CDX1: variants seen among roughly 807,000 people sequenced by gnomAD.
CDX1 encodes the protein homeobox protein CDX-1.
CDX1 carries 9 observed loss-of-function variants against 16.9 expected under a neutral mutation model. That is an observed-to-expected ratio of 0.53 (90% CI 0.32 to 0.93). The LOEUF (loss-of-function observed/expected upper bound fraction) is 0.93. CDX1 is among the 40% of genes least tolerant of loss of function. CDX1 has a pLI of 0.04. For missense variants in CDX1, 393 were observed against 386.1 expected (o/e 1.02, Z -0.15); for synonymous variants, 179 against 179.0 (o/e 1.00, Z 0.00).
intron 1 of CDX1, among the ~76,000 whole-genome samples, chr5:150,174,536 C>T (rs1044625205): frequency 2.6e-5 from 4 of 152,148 alleles, no homozygotes; most frequent in South Asian, 2.1e-4. Flanking sequence ...TAGGACTTTC[C>T]GCCAGGATGG....
intron 1 of CDX1, among the ~76,000 whole-genome samples, chr5:150,167,924 G>A (rs552295000): frequency 6.6e-6 from 1 of 152,338 alleles, no homozygotes; most frequent in African/African-American, 2.4e-5. Flanking sequence ...GGGAGGGGAA[G>A]CGGGAGCAGT....
At chr5:150,175,374 T>A (rs1364696852) in intron 1 of CDX1, among the ~76,000 whole-genome samples, 1 of 152,122 alleles carries the variant, frequency 6.6e-6, no homozygotes, top group African/African-American at 2.4e-5. Flanking sequence ...ATTGTGGACC[T>A]TGATGAAGAA....
rs1761436148 is a variant in CDX1, at chr5:150,167,145, T to G, written c.269T>G (p.Leu90Arg). Residue 90 changes from leucine to arginine, a missense_variant, in exon 1 of 3, where the codon CTG becomes CGG. Transcript: ENST00000231656. ...PAAPAASPAS[L>R]AFGPPPDFSP... The stretch of plus-strand genomic sequence containing the variant: ...GCCCCTGCCGCCAGCCCAGCTTCGC[T>G]GGCATTCGGGCCCCCTCCAGACTTT... 3 of 1,321,902 alleles carry G rather than the reference T, an allele frequency of 2.3e-6. No individual in the cohort carries two copies. In the East Asian group the frequency reaches 9.5e-5, roughly 42 times the overall value. 81.9% of individuals were successfully genotyped at this position (1,321,902 alleles called of 1,614,324 possible). A position where few individuals can be genotyped will look rare whatever the true frequency, so the allele number is the denominator to read the frequency against.
chr5:150,167,324 A>G lies in CDX1; in HGVS notation c.445+3A>G. On this transcript the variant is annotated splice_donor_region_variant and intron_variant, in intron 1 of 2. Transcript: ENST00000231656. ...GGCCGGAGGCGGCGGTGGCAGCGGT[A>G]AGGACCCTTCCCTCGCCCTGCGCCT... 1 of 1,256,108 alleles carries G rather than the reference A, an allele frequency of 8.0e-7. No homozygotes were observed. Among genetic ancestry groups the G allele is most frequent in the Non-Finnish European group, 1.0e-6 (1 of 1,004,966 alleles). 77.8% of individuals were successfully genotyped at this position (1,256,108 alleles called of 1,614,324 possible).
In CDX1 at chr5:150,184,360, G is replaced by C. The variant is rs368830723; in HGVS notation, c.*680G>C. On this transcript the variant is annotated 3_prime_UTR_variant, in exon 3 of 3. Transcript: ENST00000231656. ...TTCCCTACCAGGTTTCTACACCCCC[G>C]CCAGGCTGCCCATCAGGGCCCAGGG... 6.6e-6 allele frequency: 1 copy of C among 152,246 alleles called. No homozygotes were observed. Among genetic ancestry groups the C allele is most frequent in the Non-Finnish European group, 1.5e-5 (1 of 68,106 alleles). 9.4% of individuals were successfully genotyped at this position (152,246 alleles called of 1,614,324 possible).
intron 1 of CDX1, among the ~76,000 whole-genome samples, chr5:150,179,580 C>T (rs146389558): frequency 3.9e-5 from 6 of 152,226 alleles, no homozygotes; most frequent in Admixed American, 6.5e-5. Context: ...TGGGCTTGCT[C>T]GTCAGAAGAG....
intron 1 of CDX1, among the ~76,000 whole-genome samples, chr5:150,180,589 C>T (rs1761628690): frequency 6.6e-6 from 1 of 152,048 alleles, no homozygotes; most frequent in African/African-American, 2.4e-5. Flanking sequence ...AGGGCTGAAA[C>T]CCAAGAAGAT....
chr5:150,166,911 C>T lies in CDX1; in HGVS notation c.35C>T (p.Pro12Leu). 4 of 1,517,940 alleles carry T rather than the reference C, an allele frequency of 2.6e-6. No homozygotes were observed. The highest frequency in any genetic ancestry group is 3.5e-6 in the Non-Finnish European group (4 of 1,139,114). The allele number at this position is 1,517,940 out of a possible 1,614,324, so 94.0% of individuals were successfully genotyped here. The change falls in exon 1 of 3, where the codon CCC becomes CTC. Residue 12 changes from proline (P) to leucine (L), a missense_variant. By Grantham distance (98) the Pro-to-Leu change is moderately conservative. Transcript: ENST00000231656. The stretch of plus-strand genomic sequence containing the variant: ...GGCTATGTGCTGGACAAGGATTCGC[C>T]CGTGTACCCCGGCCCAGCCAGGCCA... The part of the protein sequence containing the change: ...YVGYVLDKDS[P>L]VYPGPARPAS...
Position 150,166,926 on chromosome 5 carries a change from C to A in CDX1, c.50C>A (p.Pro17Gln). The change falls in exon 1 of 3, where the codon CCA becomes CAA. Residue 17 changes from proline to glutamine, a missense_variant. Pro to Gln is a moderately conservative substitution (Grantham distance 76). Transcript: ENST00000231656. ...LDKDSPVYPG[P>Q]ARPASLGLGP... Reference sequence around the variant, plus strand: ...AAGGATTCGCCCGTGTACCCCGGCCCAGCCAGGCCAGCCAGCCTCGGCCTG... The same window carrying A: ...AAGGATTCGCCCGTGTACCCCGGCCAAGCCAGGCCAGCCAGCCTCGGCCTG... 1 of 1,505,784 alleles carries A rather than the reference C, an allele frequency of 6.6e-7. No individual in the cohort carries two copies. The highest frequency in any genetic ancestry group is 8.8e-7 in the Non-Finnish European group (1 of 1,134,684). 93.3% of individuals were successfully genotyped at this position (1,505,784 alleles called of 1,614,324 possible).
chr5:150,169,768 C>T (rs923363054), intron 1 of CDX1, among the ~76,000 whole-genome samples: 1 of 152,210 alleles, frequency 6.6e-6, no homozygotes, highest in Non-Finnish European at 1.5e-5. Flanking sequence ...CTTCAGCCTG[C>T]CACCAATCCT....
intron 1 of CDX1, among the ~76,000 whole-genome samples, chr5:150,171,538 G>C (rs1354666940): frequency 6.6e-6 from 1 of 152,112 alleles, no homozygotes; most frequent in African/African-American, 2.4e-5. Flanking sequence ...GGGTTTCACC[G>C]TGTTAGCCAG....
At chr5:150,177,567 C>G (rs1044878241) in intron 1 of CDX1, among the ~76,000 whole-genome samples, 1 of 152,186 alleles carries the variant, frequency 6.6e-6, no homozygotes, top group African/African-American at 2.4e-5. Flanking sequence ...GGTTTTGAAT[C>G]CCACCTGCCT....
intron 1 of CDX1, among the ~76,000 whole-genome samples, chr5:150,181,469 G>T (rs1401485961): frequency 1.3e-5 from 2 of 152,014 alleles, no homozygotes; most frequent in Non-Finnish European, 2.9e-5. Flanking sequence ...TAGAGATGAG[G>T]TTTCACCATG....
At chr5:150,176,330 A>T (rs925176512) in intron 1 of CDX1, among the ~76,000 whole-genome samples, 1 of 152,094 alleles carries the variant, frequency 6.6e-6, no homozygotes, top group African/African-American at 2.4e-5. Flanking sequence ...TTGCTTCCTT[A>T]TCTTGGAAAA....
At chr5:150,168,840 CTTGT>C (rs1315683997) in intron 1 of CDX1, among the ~76,000 whole-genome samples, 1 of 152,188 alleles carries the variant, frequency 6.6e-6, no homozygotes, top group Non-Finnish European at 1.5e-5. Context: ...GGTTTGTACC[CTTGT>C]TTAAGTTACA....
intron 1 of CDX1, among the ~76,000 whole-genome samples, chr5:150,179,176 C>T (rs148186274): frequency 9.3e-4 from 141 of 152,344 alleles, no homozygotes; most frequent in African/African-American, 3.2e-3. Context: ...ATGGGATTCC[C>T]TGGTTTCTGA....
intron 2 of CDX1, among the ~76,000 whole-genome samples, chr5:150,183,175 C>T (rs888947772): frequency 1.3e-5 from 2 of 152,074 alleles, no homozygotes; most frequent in Admixed American, 1.3e-4. Context: ...AGGAGGTGCA[C>T]GTGCTATTTA....
chr5:150,183,780 C>T lies in CDX1; in HGVS notation c.*100C>T, dbSNP rs1431869537. ...GTCTGGTCCGAGTCTCAGCCCTGAC[C>T]TTCTGGGACATGGTGGACAGTCACC... On this transcript the variant is annotated 3_prime_UTR_variant, in exon 3 of 3. Transcript: ENST00000231656. 1.0e-5 allele frequency: 10 copies of T among 968,476 alleles called. No individual in the cohort carries two copies. The highest frequency in any genetic ancestry group is 1.3e-5 in the Non-Finnish European group (9 of 673,764). The allele number at this position is 968,476 out of a possible 1,614,324, so 60.0% of individuals were successfully genotyped here.
At chr5:150,172,016 C>T (rs1193593466) in intron 1 of CDX1, among the ~76,000 whole-genome samples, 1 of 152,224 alleles carries the variant, frequency 6.6e-6, no homozygotes, top group African/African-American at 2.4e-5. Flanking sequence ...ACACACCTCA[C>T]ACTCCCAGCC....
Sources: allele counts gnomAD v4.1 joint callset (sites outside exome capture counted in the v4.1 genomes callset), GRCh38; gene constraint gnomAD v4.1.1; transcripts MANE v1.5; gene names NCBI Gene and HGNC (gene_info 2026-07-23, HGNC 2026-07-21).